Variants in PIGN observed in about 807,000 individuals in gnomAD.
PIGN encodes the protein phosphatidylinositol glycan anchor biosynthesis class N.
A neutral mutation model predicts 125.4 loss-of-function variants in PIGN; 117 were observed. That is an observed-to-expected ratio of 0.93 (90% CI 0.80 to 1.09). The LOEUF (loss-of-function observed/expected upper bound fraction) is 1.09, where lower values mean the gene tolerates loss of function less well. Among genes scored for constraint, PIGN ranks in the 50% least tolerant of loss-of-function variants. The pLI, the probability that PIGN is intolerant of heterozygous loss-of-function variation, is 0.00. For missense variants in PIGN, 1,075 were observed against 1,094.9 expected, an observed-to-expected ratio of 0.98 and a Z score of 0.26; for synonymous variants, 392 against 377.8, an observed-to-expected ratio of 1.04 and a Z score of -0.44.
chr18:62,072,596 G>T, intron 30 of PIGN, 77 bp downstream of exon 30: 2 of 1,124,162 alleles, frequency 1.8e-6, no homozygotes, highest in Non-Finnish European at 2.6e-6. Flanking sequence ...TGTTTGCACA[G>T]TGAAGAAATT....
intron 5 of PIGN, 131 bp downstream of exon 5, chr18:62,157,556 C>T: frequency 1.2e-6 from 1 of 848,398 alleles, no homozygotes. Context: ...TTCATGTCAG[C>T]AAAGCATGCT....
At chr18:62,080,298 G>A (rs1315123809) in intron 28 of PIGN, among the ~76,000 whole-genome samples, 1 of 152,108 alleles carries the variant, frequency 6.6e-6, no homozygotes, top group African/African-American at 2.4e-5. Flanking sequence ...CTTTCTCAGC[G>A]GCCTTCTAAT....
downstream of PIGN, among the ~76,000 whole-genome samples, chr18:62,036,476 T>C (rs2030262678): frequency 6.6e-6 from 1 of 152,188 alleles, no homozygotes; most frequent in Non-Finnish European, 1.5e-5. Context: ...GGTAGGTAAC[T>C]AGCAATGCTT....
chr18:62,068,861 T>G (rs1271875015), intron 30 of PIGN, among the ~76,000 whole-genome samples: 1 of 152,186 alleles, frequency 6.6e-6, no homozygotes, highest in Non-Finnish European at 1.5e-5. Flanking sequence ...AGCCCCACAC[T>G]TGCAGTGTTC....
rs1297664834 is a variant in PIGN at position 62,045,754 on chromosome 18, AATATACTAT to A, written c.*93_*101del. 9.7e-6 allele frequency: 11 copies of A among 1,133,586 alleles called. No individual in the cohort carries two copies. The African/African-American group carries it at 1.5e-4, about 16-fold the overall frequency. 70.2% of individuals were successfully genotyped at this position (1,133,586 alleles called of 1,614,324 possible). On this transcript the variant is annotated 3_prime_UTR_variant, in exon 31 of 31. Transcript: ENST00000640252. ...AATACCATTTTCCTTACAGGAGTAG[AATATACTAT>A]ATATCCATATCCATCTTCTTATTGA...
At chr18:62,121,339 G>C (rs1297707178) in intron 14 of PIGN, among the ~76,000 whole-genome samples, 1 of 151,818 alleles carries the variant, frequency 6.6e-6, no homozygotes, top group Non-Finnish European at 1.5e-5. Context: ...AAACCACAGA[G>C]GTAAAAAAAT....
At chr18:62,060,731 C>G (rs1463900586) in intron 30 of PIGN, among the ~76,000 whole-genome samples, 1 of 152,156 alleles carries the variant, frequency 6.6e-6, no homozygotes, top group Admixed American at 6.5e-5. Context: ...AAACTCAGCT[C>G]AATCAAACTG....
chr18:62,073,282 T>A (rs1231935489), intron 29 of PIGN, among the ~76,000 whole-genome samples: 1 of 151,758 alleles, frequency 6.6e-6, no homozygotes, highest in Non-Finnish European at 1.5e-5. Flanking sequence ...CATACCCTGA[T>A]TAGAATGGAA....
At chr18:62,149,212 CTAT>C (rs1301031394) in intron 7 of PIGN, among the ~76,000 whole-genome samples, 4 of 151,988 alleles carry the variant, frequency 2.6e-5, no homozygotes, top group Non-Finnish European at 4.4e-5. Context: ...CTCTTCACTA[CTAT>C]GTTAAAAAAC....
intron 14 of PIGN, among the ~76,000 whole-genome samples, chr18:62,119,786 G>T (rs544462969): frequency 8.0e-5 from 12 of 150,440 alleles, no homozygotes; most frequent in Non-Finnish European, 1.8e-4. Flanking sequence ...AGAGGTTGCA[G>T]TGAGCCAAGA....
chr18:62,034,012 G>T (rs530742750), intron 23 of PIGN, among the ~76,000 whole-genome samples: 12 of 152,278 alleles, frequency 7.9e-5, no homozygotes, highest in African/African-American at 2.6e-4. Flanking sequence ...GCCCAGATGG[G>T]TCTGTGTGAT....
rs1320418742 is a variant in PIGN at position 62,125,047 on chromosome 18, A to ATTTGT, written c.1173-10409_1173-10408insACAAA. 9.3e-3 allele frequency among the ~76,000 whole-genome samples: 1,282 copies of ATTTGT among 137,426 alleles called. 29 individuals carry two copies. Among genetic ancestry groups the ATTTGT allele is most frequent in the East Asian group, 0.024 (119 of 4,940 alleles). 90.2% of individuals were successfully genotyped at this position (137,426 alleles called of 152,430 possible). On this transcript the variant is annotated intron_variant, in intron 14 of 30. Transcript: ENST00000640252. ...AAATTCCCTTTATATATAAATATAC[A>ATTTGT]ATTTGTACATACATGTATATAAATA...
chr18:62,140,329 G>T, intron 12 of PIGN, 91 bp downstream of exon 12: 1 of 586,418 alleles, frequency 1.7e-6, no homozygotes, highest in South Asian at 2.3e-5. Flanking sequence ...AAAAAACCCA[G>T]ATTATTCAGA....
chr18:62,050,133 T>A (rs1477599010), intron 30 of PIGN, among the ~76,000 whole-genome samples: 1 of 152,086 alleles, frequency 6.6e-6, no homozygotes, highest in Admixed American at 6.5e-5. Flanking sequence ...TCAGGTAGCG[T>A]GATGCCTCCA....
chr18:62,049,480 T>G (rs2031061203), intron 30 of PIGN, among the ~76,000 whole-genome samples: 4 of 152,114 alleles, frequency 2.6e-5, no homozygotes, highest in African/African-American at 7.2e-5. Flanking sequence ...TTCATGTGTT[T>G]TTTGGCTGCA....
At chr18:62,138,416 A>G (rs1442038694) in intron 13 of PIGN, 118 bp from the exon 14 acceptor site, 1 of 1,330,234 alleles carries the variant, frequency 7.5e-7, no homozygotes. Context: ...AATAAATGGA[A>G]TTTTATGTTA....
intron 26 of PIGN, among the ~76,000 whole-genome samples, chr18:62,085,006 G>C (rs188854432): frequency 2.0e-5 from 3 of 152,196 alleles, no homozygotes; most frequent in African/African-American, 7.2e-5. Flanking sequence ...TACTCGGGAG[G>C]CTGAGGCATG....
chr18:62,086,888 T>C (rs2033731610), intron 25 of PIGN, among the ~76,000 whole-genome samples: 1 of 131,194 alleles, frequency 7.6e-6, no homozygotes, highest in Admixed American at 8.8e-5. Context: ...AGCAGTTAAA[T>C]ATGACAACAA....
chr18:62,172,258 C>T (rs2037368620), intron 1 of PIGN, among the ~76,000 whole-genome samples: 1 of 152,068 alleles, frequency 6.6e-6, no homozygotes, highest in Admixed American at 6.5e-5. Context: ...TAAAATTGTC[C>T]ATAATATTTA....
Sources: gnomAD v4.1 joint callset for allele counts (sites outside exome capture counted in the v4.1 genomes callset) on GRCh38, gnomAD v4.1.1 for gene constraint, MANE v1.5 for transcripts, NCBI Gene and HGNC (gene_info 2026-07-23, HGNC 2026-07-21) for gene names.